ARMH3: variants seen among roughly 807,000 people sequenced by gnomAD.
The protein encoded by ARMH3 is armadillo like helical domain containing 3.
Under a neutral mutation model 99.1 loss-of-function variants are expected in ARMH3, and 60 were observed. That is an observed-to-expected ratio of 0.61 (90% CI 0.49 to 0.75). The LOEUF is 0.75. ARMH3 is among the 30% of genes least tolerant of loss of function. The pLI is 0.00. For synonymous variants in ARMH3, 285 were observed against 292.8 expected (o/e 0.97, Z 0.27); for missense variants, 679 against 843.1 (o/e 0.81, Z 2.41).
intron 23 of ARMH3, among the ~76,000 whole-genome samples, chr10:101,897,283 C>A (rs1323450322): frequency 6.6e-6 from 1 of 152,180 alleles, no homozygotes; most frequent in African/African-American, 2.4e-5. Flanking sequence ...ACAGCAGGTA[C>A]CAAATTTATT....
intron 23 of ARMH3, among the ~76,000 whole-genome samples, chr10:101,927,832 G>C (rs1201227354): frequency 6.6e-6 from 1 of 152,212 alleles, no homozygotes; most frequent in East Asian, 1.9e-4. Context: ...CAGCACTTTG[G>C]AGGGCCAGGG....
Position 101,993,562 on chromosome 10 carries a change from A to G in ARMH3, c.1251T>C (p.Asn417=). The G allele has an allele frequency of 1.9e-6, 3 of 1,601,202 alleles. No homozygotes were observed. The highest frequency in any genetic ancestry group is 2.6e-6 in the Non-Finnish European group (3 of 1,175,228). ...ANAFLHDDNM[N]FRVNLHRMPM... is the part of the protein sequence containing the mutation. ...CCATTCTATGTAAGTTTACTCGAAA[A>G]TTCATGTTGTCATCATGCAAAAATG... Residue 417 remains asparagine (N), a synonymous_variant, in exon 17 of 26, where the codon AAT becomes AAC. Coordinates refer to ENST00000370033, the MANE Select transcript of ARMH3 (RefSeq NM_024541.3).
chr10:102,012,949 G>C, intron 9 of ARMH3, 73 bp from the exon 10 acceptor site: 2 of 1,356,344 alleles, frequency 1.5e-6, no homozygotes, highest in Non-Finnish European at 2.0e-6. Flanking sequence ...CTAGAACAAG[G>C]TCAGAAAGAA....
intron 19 of ARMH3, among the ~76,000 whole-genome samples, 196 bp downstream of exon 19, chr10:101,990,355 T>G (rs1397806079): frequency 6.6e-6 from 1 of 152,032 alleles, no homozygotes; most frequent in Non-Finnish European, 1.5e-5. Context: ...AGATAATTTT[T>G]TGTATTTTTT....
intron 14 of ARMH3, among the ~76,000 whole-genome samples, chr10:102,005,380 C>CA (rs11344018): frequency 0.02 from 1,307 of 64,178 alleles, 26 homozygotes; most frequent in Non-Finnish European, 0.025. Flanking sequence ...GACTCTGTCT[C>CA]AAAAAAAAAA....
intron 23 of ARMH3, among the ~76,000 whole-genome samples, chr10:101,906,754 C>T: frequency 6.6e-6 from 1 of 152,116 alleles, no homozygotes; most frequent in Non-Finnish European, 1.5e-5. Context: ...GTCTGAAGTA[C>T]TTGTGGGACC....
chr10:102,009,533 C>A, intron 12 of ARMH3, 84 bp from the exon 13 acceptor site: 1 of 1,133,422 alleles, frequency 8.8e-7, no homozygotes, highest in Non-Finnish European at 1.3e-6. Flanking sequence ...GATTGGATTG[C>A]ACCCCAGCGC....
chr10:101,930,143 G>T (rs1172060729), intron 23 of ARMH3, among the ~76,000 whole-genome samples: 3 of 152,054 alleles, frequency 2.0e-5, no homozygotes, highest in Non-Finnish European at 4.4e-5. Context: ...ATTTATCCCA[G>T]GAATGCAAGG....
intron 19 of ARMH3, among the ~76,000 whole-genome samples, chr10:101,985,026 C>T (rs1846400416): frequency 6.6e-6 from 1 of 150,744 alleles, no homozygotes; most frequent in African/African-American, 2.4e-5. Context: ...TGAAATAGCA[C>T]CACTGCACTC....
intron 24 of ARMH3, among the ~76,000 whole-genome samples, chr10:101,854,501 A>C (rs186725722): frequency 6.6e-6 from 1 of 152,302 alleles, no homozygotes. Context: ...TTCTGGGTTC[A>C]AGTGGAAGAC....
chr10:101,874,830 C>T (rs151120084), intron 24 of ARMH3, among the ~76,000 whole-genome samples: 6 of 152,072 alleles, frequency 3.9e-5, no homozygotes, highest in Non-Finnish European at 5.9e-5. Context: ...TCAAGGAGAA[C>T]GGGGAGGTTT....
At chr10:102,009,335 T>C (rs2066578275) in intron 13 of ARMH3, 39 bp downstream of exon 13, 2 of 1,554,532 alleles carry the variant, frequency 1.3e-6, no homozygotes, top group African/African-American at 1.4e-5. Flanking sequence ...GTATGAAATT[T>C]AGAGAGAAAA....
At chr10:101,960,445 T>C (rs114767789) in intron 20 of ARMH3, among the ~76,000 whole-genome samples, 1 of 152,208 alleles carries the variant, frequency 6.6e-6, no homozygotes, top group Admixed American at 6.5e-5. Flanking sequence ...TATAGATTTT[T>C]AGAGCTAGAA....
chr10:101,944,826 G>C (rs528665312), intron 22 of ARMH3, among the ~76,000 whole-genome samples: 5 of 151,814 alleles, frequency 3.3e-5, no homozygotes, highest in African/African-American at 1.2e-4. Flanking sequence ...AAAAAAAAGA[G>C]CATCCAGAGA....
In ARMH3 at chr10:102,025,173, G is replaced by A; in HGVS notation, c.490C>T (p.Leu164Phe). ...TCACTTACGGTCACTAAGCAAAGGAGAAGTTTCAGACATAAACTCTTCAGA... is the reference window on the plus strand; with the variant it reads ...TCACTTACGGTCACTAAGCAAAGGAAAAGTTTCAGACATAAACTCTTCAGA... ...ESLKSLCLKL[L>F]LCLVTVTDNI... The change falls in exon 6 of 26, where the codon CTC becomes TTC. Residue 164 changes from leucine (L) to phenylalanine (F), a missense_variant. This residue lies in a region of ARMH3 where 280 missense variants were observed against 354.6 expected (regional missense o/e 0.79). Transcript: ENST00000370033. 2.2e-5 allele frequency: 35 copies of A among 1,613,512 alleles called. No individual in the cohort carries two copies. Among genetic ancestry groups the A allele is most frequent in the Non-Finnish European group, 3.0e-5 (35 of 1,179,590 alleles).
intron 16 of ARMH3, among the ~76,000 whole-genome samples, chr10:101,994,706 C>T (rs1168124132): frequency 6.6e-6 from 1 of 152,158 alleles, no homozygotes; most frequent in Non-Finnish European, 1.5e-5. Flanking sequence ...ACCCCTTCAC[C>T]CCATCACAGG....
intron 19 of ARMH3, among the ~76,000 whole-genome samples, chr10:101,987,302 C>G (rs555029620): frequency 2.0e-5 from 3 of 152,278 alleles, no homozygotes; most frequent in East Asian, 1.9e-4. Flanking sequence ...TGGTCCCCTA[C>G]GTGGTATGTC....
Position 101,957,736 on chromosome 10 carries a change from T to TAA in ARMH3, c.1496-6_1496-5dup, listed in dbSNP as rs370503995. On this transcript the variant is annotated splice_region_variant and splice_polypyrimidine_tract_variant and intron_variant, in intron 20 of 25. Transcript: ENST00000370033. ...AACTTCAGCAAATTTATCAAGGCTT[T>TAA]AAAAAAAAAAAAAAAGACATCAACA... The TAA allele has an allele frequency of 0.018, 24,810 of 1,417,494 alleles. 25 individuals are homozygous for TAA. The highest frequency in any genetic ancestry group is 0.04 in the Admixed American group (1,617 of 40,368). 87.8% of individuals were successfully genotyped at this position (1,417,494 alleles called of 1,614,324 possible). A position where few individuals can be genotyped will look rare whatever the true frequency, so the allele number is the denominator to read the frequency against.
intron 23 of ARMH3, among the ~76,000 whole-genome samples, chr10:101,928,010 G>A (rs892980560): frequency 5.3e-5 from 8 of 152,214 alleles, no homozygotes; most frequent in Non-Finnish European, 8.8e-5. Context: ...GGAGGCAGAG[G>A]TCGCAGTGAG....
Sources: allele counts gnomAD v4.1 joint callset (sites outside exome capture counted in the v4.1 genomes callset), GRCh38; gene constraint gnomAD v4.1.1; regional missense constraint gnomAD v4.1.1; transcripts MANE v1.5; gene names NCBI Gene and HGNC (gene_info 2026-07-23, HGNC 2026-07-21).